Variants in PRH1 observed in about 807,000 individuals in gnomAD.
PRH1 encodes proline rich protein HaeIII subfamily 1.
PRH1 carries 7 observed loss-of-function variants against 7.9 expected under a neutral mutation model. The ratio of observed to expected loss-of-function variants is 0.89; its 90% CI spans 0.50 to 1.67. The LOEUF is 1.67. Ranked by LOEUF, PRH1 falls within the 40% of genes most tolerant of loss-of-function variation. PRH1 has a pLI of 0.00. For synonymous variants in PRH1, 45 were observed against 80.8 expected (o/e 0.56, Z 2.38); for missense variants, 109 against 223.6 (o/e 0.49, Z 3.27).
intron 1 of PRH1, among the ~76,000 whole-genome samples, chr12:11,044,577 G>A (rs1237947215): frequency 1.3e-5 from 2 of 151,766 alleles, no homozygotes; most frequent in Admixed American, 1.3e-4. Context: ...TATAAAAGGA[G>A]CTTTAACAAC....
At chr12:11,028,167 A>G (rs1200211193) in intron 1 of PRH1, among the ~76,000 whole-genome samples, 1 of 152,208 alleles carries the variant, frequency 6.6e-6, no homozygotes, top group African/African-American at 2.4e-5. Context: ...GACTTTCATG[A>G]CCACCACCAA....
intron 1 of PRH1, among the ~76,000 whole-genome samples, chr12:11,008,466 C>G (rs1167814978): frequency 6.6e-6 from 1 of 152,058 alleles, no homozygotes; most frequent in African/African-American, 2.4e-5. Flanking sequence ...CTCCATGACA[C>G]TTTCCAAGCC....
At chr12:11,009,302 T>C (rs954351390) in intron 1 of PRH1, among the ~76,000 whole-genome samples, 1 of 151,962 alleles carries the variant, frequency 6.6e-6, no homozygotes, top group South Asian at 2.1e-4. Flanking sequence ...TAACATAATC[T>C]ACCTTTCACC....
rs187308745 is a variant in PRH1 at position 10,936,021 on chromosome 12, G to A, written c.-59+37634C>T. On this transcript the variant is annotated intron_variant, in intron 2 of 3. Transcript: ENST00000539853. ...ACAAGAATGAAAATGGGGTAATGGA[G>A]TAGGCTCTGAAACTGAATTTTCATG... 3.6e-3 allele frequency among the ~76,000 whole-genome samples: 546 copies of A among 152,188 alleles called. 4 individuals carry two copies. Among genetic ancestry groups the A allele is most frequent in the Admixed American group, 0.011 (175 of 15,290 alleles).
intron 2 of PRH1, among the ~76,000 whole-genome samples, chr12:10,942,956 A>T (rs529966279): frequency 6.6e-6 from 1 of 152,296 alleles, no homozygotes; most frequent in South Asian, 2.1e-4. Flanking sequence ...ATCTTTTCCC[A>T]TAAAATAGAC....
intron 1 of PRH1, among the ~76,000 whole-genome samples, chr12:11,137,567 G>A (rs1360053742): frequency 6.6e-6 from 1 of 151,984 alleles, no homozygotes; most frequent in Non-Finnish European, 1.5e-5. Flanking sequence ...TACTAGGGAG[G>A]TTTAGTTCCA....
chr12:11,136,709 T>G (rs1168465725), intron 1 of PRH1, among the ~76,000 whole-genome samples: 1 of 152,176 alleles, frequency 6.6e-6, no homozygotes, highest in African/African-American at 2.4e-5. Context: ...TATTCCTTCT[T>G]GCATATTCAA....
chr12:10,975,996 A>T (rs181017019), intron 1 of PRH1, among the ~76,000 whole-genome samples: 1 of 152,328 alleles, frequency 6.6e-6, no homozygotes, highest in East Asian at 1.9e-4. Context: ...CCCCACAGAC[A>T]GCATTAGACA....
At chr12:10,886,505 C>A (rs1265312770), upstream of PRH1, among the ~76,000 whole-genome samples, 2 of 152,160 alleles carry the variant, frequency 1.3e-5, no homozygotes, top group Non-Finnish European at 2.9e-5. Context: ...TATGCTCTCA[C>A]TAGACACATC....
intron 1 of PRH1, among the ~76,000 whole-genome samples, chr12:11,035,996 C>A (rs924092456): frequency 5.3e-5 from 8 of 152,158 alleles, no homozygotes; most frequent in African/African-American, 1.9e-4. Context: ...CGGGTTCACG[C>A]CATTCTCCTG....
At chr12:11,148,819 T>G (rs933874098) in intron 1 of PRH1, among the ~76,000 whole-genome samples, 2 of 125,686 alleles carry the variant, frequency 1.6e-5, no homozygotes, top group African/African-American at 5.5e-5. Context: ...TTAGGGAGGA[T>G]TCCCTCTTTT....
chr12:11,066,447 A>G (rs1285955542), intron 1 of PRH1, among the ~76,000 whole-genome samples: 1 of 152,018 alleles, frequency 6.6e-6, no homozygotes, highest in Non-Finnish European at 1.5e-5. Flanking sequence ...TCATCTATAA[A>G]TAATTATTTG....
chr12:11,112,797 C>T (rs1206943210), intron 1 of PRH1, among the ~76,000 whole-genome samples: 1 of 151,996 alleles, frequency 6.6e-6, no homozygotes, highest in Non-Finnish European at 1.5e-5. Flanking sequence ...GAAATTCTGG[C>T]CAGGACAATC....
chr12:11,004,267 G>A (rs1034742844), intron 1 of PRH1, among the ~76,000 whole-genome samples: 1 of 152,028 alleles, frequency 6.6e-6, no homozygotes, highest in African/African-American at 2.4e-5. Flanking sequence ...AGCCAAGGTG[G>A]GTGAATAACC....
chr12:11,069,330 ACGCT>A (rs1352502114), intron 1 of PRH1, among the ~76,000 whole-genome samples: 1 of 152,136 alleles, frequency 6.6e-6, no homozygotes, highest in African/African-American at 2.4e-5. Context: ...AATCACCCTT[ACGCT>A]TGTCTGTTAA....
intron 1 of PRH1, among the ~76,000 whole-genome samples, chr12:11,150,681 G>A (rs1947051923): frequency 6.6e-6 from 1 of 152,038 alleles, no homozygotes; most frequent in South Asian, 2.1e-4. Context: ...GGGGTTGGGG[G>A]AAGGGGAAGG....
intron 2 of PRH1, among the ~76,000 whole-genome samples, chr12:10,963,492 G>A (rs538665138): frequency 6.6e-6 from 1 of 152,136 alleles, no homozygotes; most frequent in African/African-American, 2.4e-5. Context: ...TTTTTAAAAA[G>A]ATTTTTAAAT....
chr12:11,111,266 T>C (rs1336671093), intron 1 of PRH1, among the ~76,000 whole-genome samples: 1 of 152,184 alleles, frequency 6.6e-6, no homozygotes, highest in Non-Finnish European at 1.5e-5. Flanking sequence ...TTAACAAGGA[T>C]ATTAGGACTT....
At chr12:11,047,348 T>C (rs1259344546), upstream of PRH1, among the ~76,000 whole-genome samples, 1 of 152,154 alleles carries the variant, frequency 6.6e-6, no homozygotes, top group African/African-American at 2.4e-5. Flanking sequence ...TCAATTGTGA[T>C]CCATAGTTTA....
Sources: gnomAD v4.1 joint callset for allele counts (sites outside exome capture counted in the v4.1 genomes callset) on GRCh38, gnomAD v4.1.1 for gene constraint, MANE v1.5 for transcripts, NCBI Gene and HGNC (gene_info 2026-07-23, HGNC 2026-07-21) for gene names.